Variants in CTU2 observed in about 807,000 individuals in gnomAD.
The protein encoded by CTU2 is cytoplasmic tRNA 2-thiolation protein 2.
CTU2 carries 80 observed loss-of-function variants against 64.1 expected under a neutral mutation model. That is an observed-to-expected ratio of 1.25 (90% CI 1.04 to 1.50). The LOEUF is 1.50. Among genes scored for constraint, CTU2 ranks in the 40% most tolerant of loss-of-function variants. The pLI is 0.00. For synonymous variants in CTU2, 482 were observed against 285.3 expected (o/e 1.69, Z -6.95); for missense variants, 1,110 against 690.2 (o/e 1.61, Z -6.81).
chr16:88,712,566 G>A, intron 6 of CTU2, 56 bp from the exon 7 acceptor site: 1 of 1,577,734 alleles, frequency 6.3e-7, no homozygotes, highest in Non-Finnish European at 8.6e-7. Context: ...GGGGCTGTCT[G>A]TGGGGGGCAC....
intron 6 of CTU2, 117 bp from the exon 7 acceptor site, chr16:88,712,505 G>A: frequency 1.4e-6 from 2 of 1,472,846 alleles, no homozygotes; most frequent in South Asian, 1.3e-5. Context: ...GGGGGTGGGA[G>A]GCACCTGCCC....
Position 88,713,739 on chromosome 16 carries a change from C to T in CTU2, c.966C>T (p.Phe322=), listed in dbSNP as rs1223025667. 3.1e-6 allele frequency: 5 copies of T among 1,612,714 alleles called. No individual in the cohort carries two copies. Among genetic ancestry groups the T allele is most frequent in the South Asian group, 1.1e-5 (1 of 91,074 alleles). Residue 322 remains phenylalanine, a synonymous_variant, in exon 9 of 15, where the codon TTC becomes TTT. Coordinates refer to ENST00000453996, the MANE Select transcript of CTU2 (RefSeq NM_001012759.3). ...LKEVAFYNRL[F]SVPSVFTPAV... is the part of the protein sequence containing the mutation. ...AGGTCGCTTTCTACAACCGCCTGTT[C>T]TCCGTTCCTTCTGTCTTCACACCAG...
At position 88,712,344 on chromosome 16, in the gene CTU2, A is replaced by G. The variant is rs1211698839; in HGVS notation, c.414A>G (p.Gln138=). 8.7e-6 allele frequency: 14 copies of G among 1,610,802 alleles called. No homozygotes were observed. The highest frequency in any genetic ancestry group is 1.2e-5 in the Non-Finnish European group (14 of 1,178,614). ...TGGCCGAAGTGAAGCCCATTCTGCAAGCAACTGGGTTCCCATGGCATGTGG... is the reference window on the plus strand; with the variant it reads ...TGGCCGAAGTGAAGCCCATTCTGCAGGCAACTGGGTTCCCATGGCATGTGG... The part of the protein sequence containing the change: ...KTLAEVKPIL[Q]ATGFPWHVVA... Residue 138 remains glutamine (Q), a synonymous_variant, in exon 6 of 15, where the codon CAA becomes CAG. Transcript: ENST00000453996.
At chr16:88,707,115 T>C in intron 1 of CTU2, 21 bp from the exon 2 acceptor site, 2 of 1,611,236 alleles carry the variant, frequency 1.2e-6, no homozygotes, top group Non-Finnish European at 1.7e-6. Flanking sequence ...TTCTCTCTTC[T>C]CCCCCCTCCC....
At position 88,714,587 on chromosome 16, in the gene CTU2, A is replaced by C. The variant is rs1328529822; in HGVS notation, c.1202A>C (p.Asp401Ala). The C allele has an allele frequency of 1.2e-6, 2 of 1,612,592 alleles. No individual in the cohort carries two copies. The highest frequency in any genetic ancestry group is 1.7e-6 in the Non-Finnish European group (2 of 1,179,868). ...TCCGTCACCCCCTCTCTGCTTGCAG[A>C]CAGTGCCACGGCTTTTGGGGCTCAG... ...CMCALDVDAA[D>A]SATAFGAQTS... is the part of the protein sequence containing the mutation. Residue 401 changes from aspartate (D) to alanine (A), a missense_variant and splice_region_variant, in exon 12 of 15, where the codon GAC (aspartate) becomes GCC (alanine). By Grantham distance (126) the Asp-to-Ala change is moderately radical. Coordinates refer to ENST00000453996, the MANE Select transcript of CTU2 (RefSeq NM_001012759.3).
chr16:88,714,934 C>T lies in CTU2; in HGVS notation c.1419+8C>T, dbSNP rs370392517. The stretch of plus-strand genomic sequence containing the variant: ...GTGAACATGAAGGACTTGGTGAGTA[C>T]GTGCCCACCTGTCCTGGGCCGGGCT... On this transcript the variant is annotated splice_region_variant and intron_variant, in intron 13 of 14. Coordinates refer to ENST00000453996, the MANE Select transcript of CTU2 (RefSeq NM_001012759.3). The T allele has an allele frequency of 1.5e-4, 249 of 1,612,450 alleles. No individual in the cohort carries two copies. The African/African-American group carries it at 2.5e-3, about 16-fold the overall frequency.
intron 2 of CTU2, 196 bp from the exon 3 acceptor site, chr16:88,709,742 C>T (rs1911166709): frequency 1.2e-5 from 7 of 597,872 alleles, no homozygotes; most frequent in Middle Eastern, 2.7e-4. Context: ...CGGTGAGCCT[C>T]GTGTTCACCC....
intron 12 of CTU2, 55 bp from the exon 13 acceptor site, chr16:88,714,798 TACCCCAC>T: frequency 6.2e-7 from 1 of 1,610,172 alleles, no homozygotes; most frequent in Non-Finnish European, 8.5e-7. Flanking sequence ...GACCTGTCCT[TACCCCAC>T]ACTGCACGGC....
chr16:88,714,758 C>G (rs1278568621), intron 12 of CTU2, 21 bp downstream of exon 12: 2 of 1,605,484 alleles, frequency 1.2e-6, no homozygotes, highest in East Asian at 4.5e-5. Flanking sequence ...GTCCCTGCCA[C>G]CCATGGCCAG....
Position 88,710,251 on chromosome 16 carries a change from C to T in CTU2, c.251C>T (p.Ser84Leu), listed in dbSNP as rs775804412. The part of the protein sequence containing the change: ...KVLLAWSGGP[S>L]SSSMVWQVLE... ...CTCTTGGCGTGGTCTGGGGGGCCTT[C>T]GTCCAGCTCCATGGTCTGGCAGGTT... Residue 84 changes from serine (S) to leucine (L), a missense_variant, in exon 4 of 15, where the codon TCG (serine) becomes TTG (leucine). Coordinates refer to ENST00000453996, the MANE Select transcript of CTU2 (RefSeq NM_001012759.3). 8.1e-6 allele frequency: 13 copies of T among 1,614,076 alleles called. No individual in the cohort carries two copies. The highest frequency in any genetic ancestry group is 4.5e-5 in the East Asian group (2 of 44,882).
At position 88,714,367 on chromosome 16, in the gene CTU2, C is replaced by T; in HGVS notation, c.1098-16C>T. On this transcript the variant is annotated splice_polypyrimidine_tract_variant and intron_variant, in intron 10 of 14. Coordinates refer to ENST00000453996, the MANE Select transcript of CTU2 (RefSeq NM_001012759.3). ...GCCCGTGTGATTCACCTGCTCCTCC[C>T]ACAATCCGGCCACAGGACAAGTGAG... The T allele has an allele frequency of 6.2e-7, 1 of 1,612,028 alleles. No homozygotes were observed. Among genetic ancestry groups the T allele is most frequent in the Non-Finnish European group, 8.5e-7 (1 of 1,179,614 alleles).
At chr16:88,713,053 C>T in intron 7 of CTU2, 148 bp downstream of exon 7, 1 of 246,162 alleles carries the variant, frequency 4.1e-6, no homozygotes, top group Non-Finnish European at 6.5e-6. Flanking sequence ...TGAGAGCCCC[C>T]CTTCCCCGGG....
chr16:88,709,642 C>G, intron 2 of CTU2: 1 of 426,388 alleles, frequency 2.3e-6, no homozygotes, highest in South Asian at 2.8e-5. Context: ...CCCTTCTGAG[C>G]GCCTGTGGGG....
intron 4 of CTU2, chr16:88,710,874 A>T (rs1156934401): frequency 6.4e-6 from 1 of 156,986 alleles, no homozygotes; most frequent in Non-Finnish European, 1.4e-5. Flanking sequence ...CTTAGGCTGC[A>T]CACAGGGCTC....
In CTU2 at chr16:88,711,692, G is replaced by A; in HGVS notation, c.340G>A (p.Asp114Asn). ...CTTTGTGGCAGGAGTCATCTTTGTT[G>A]ACGGTATGTGGGGCCATTGCTCCTC... is the stretch of plus-strand genomic sequence containing the variant. ...LRFVAGVIFV[D>N]EGAACGQSLE... Residue 114 changes from aspartate to asparagine, a missense_variant, in exon 5 of 15, where the codon GAC becomes AAC. By Grantham distance (23) the Asp-to-Asn change is conservative. Coordinates refer to ENST00000453996, the MANE Select transcript of CTU2 (RefSeq NM_001012759.3). 1 of 1,608,820 alleles carries A rather than the reference G, an allele frequency of 6.2e-7. No individual in the cohort carries two copies.
intron 9 of CTU2, 150 bp downstream of exon 9, chr16:88,713,928 C>T (rs1331117880): frequency 8.1e-7 from 1 of 1,233,846 alleles, no homozygotes; most frequent in Non-Finnish European, 1.2e-6. Flanking sequence ...TGAGCCCACC[C>T]TGTGCCGTGA....
At position 88,714,576 on chromosome 16, in the gene CTU2, TCTG is replaced by T; in HGVS notation, c.1202-8_1202-6del. 1.2e-6 allele frequency: 2 copies of T among 1,612,596 alleles called. No individual in the cohort carries two copies. The highest frequency in any genetic ancestry group is 8.5e-7 in the Non-Finnish European group (1 of 1,179,836). On this transcript the variant is annotated splice_region_variant and splice_polypyrimidine_tract_variant and intron_variant, in intron 11 of 14. Transcript: ENST00000453996. ...CAGCCCCAGGCTCCGTCACCCCCTC[TCTG>T]CTTGCAGACAGTGCCACGGCTTTTG...
At chr16:88,713,579 C>T (rs1034784485) in intron 8 of CTU2, 68 bp from the exon 9 acceptor site, 3 of 1,577,284 alleles carry the variant, frequency 1.9e-6, no homozygotes, top group Non-Finnish European at 1.7e-6. Context: ...CCTCCCCTAC[C>T]TGGCAGGGGA....
In CTU2 at chr16:88,713,321, G is replaced by T. The variant is rs1397952265; in HGVS notation, c.747G>T (p.Leu249=). ...ACGCTCTGTGCTTTAGGACCCACCT[G>T]ATCCTCCACATGGCCCGAGCCCACG... ...EELLQTLRTH[L]ILHMARAHGY... The change falls in exon 8 of 15, where the codon CTG becomes CTT. Residue 249 remains leucine (L), a synonymous_variant. Transcript: ENST00000453996. 1 of 1,571,980 alleles carries T rather than the reference G, an allele frequency of 6.4e-7. No individual in the cohort carries two copies. The highest frequency in any genetic ancestry group is 1.8e-5 in the Admixed American group (1 of 56,484).
Sources: allele counts gnomAD v4.1 joint callset, GRCh38; gene constraint gnomAD v4.1.1; transcripts MANE v1.5; gene names NCBI Gene and HGNC (gene_info 2026-07-23, HGNC 2026-07-21).